The following PHC3 variants were observed in gnomAD, a reference collection of about 807,000 sequenced individuals.
PHC3 encodes the protein polyhomeotic homolog 3, also known as polyhomeotic-like protein 3.
Under a neutral mutation model 107.4 loss-of-function variants are expected in PHC3, and 13 were observed. The observed-to-expected ratio is 0.12, with a 90% confidence interval of 0.08 to 0.19. PHC3 has a LOEUF of 0.19. PHC3 is among the 10% of genes least tolerant of loss of function. The probability of loss-of-function intolerance (pLI) is 1.00; values close to 1 mark genes in which losing one functional copy is unlikely to be tolerated. For missense variants in PHC3, 992 were observed against 1,210.9 expected (o/e 0.82, Z 2.68); for synonymous variants, 456 against 427.4 (o/e 1.07, Z -0.83).
chr3:170,116,650 C>T (rs1373077870), intron 10 of PHC3, among the ~76,000 whole-genome samples: 1 of 151,912 alleles, frequency 6.6e-6, no homozygotes, highest in Non-Finnish European at 1.5e-5. Context: ...AAAAATGAGC[C>T]GAGCGCCATG....
Position 170,102,391 on chromosome 3 carries a change from C to G in PHC3, c.2833+88G>C, listed in dbSNP as rs1275321490. On this transcript the variant is annotated intron_variant, in intron 14 of 14. Coordinates refer to ENST00000495893, the MANE Select transcript of PHC3 (RefSeq NM_024947.4). Reference sequence around the variant, plus strand: ...ACATATACACAGTACTTCTCTAGCCCTTTTGTGCAAAAGGTGTGGATGTAT... The same window carrying G: ...ACATATACACAGTACTTCTCTAGCCGTTTTGTGCAAAAGGTGTGGATGTAT... The G allele has an allele frequency of 4.6e-6, 7 of 1,531,020 alleles. No individual in the cohort carries two copies. The East Asian group carries it at 1.7e-4, about 37-fold the overall frequency. 94.8% of individuals were successfully genotyped at this position (1,531,020 alleles called of 1,614,324 possible).
intron 11 of PHC3, among the ~76,000 whole-genome samples, chr3:170,108,131 A>G (rs568991763): frequency 4.6e-5 from 7 of 152,210 alleles, no homozygotes; most frequent in Non-Finnish European, 7.3e-5. Context: ...TTGCATCATC[A>G]TAATTCCTCT....
chr3:170,159,238 C>T (rs1433933113), intron 4 of PHC3, among the ~76,000 whole-genome samples: 9 of 123,676 alleles, frequency 7.3e-5, no homozygotes, highest in Admixed American at 5.3e-4. Flanking sequence ...GAAGACAGAG[C>T]GAGACTCGGT....
chr3:170,177,310 T>C (rs140151928), intron 2 of PHC3, among the ~76,000 whole-genome samples: 16 of 152,310 alleles, frequency 1.1e-4, no homozygotes, highest in African/African-American at 3.9e-4. Flanking sequence ...CCCCTTATAA[T>C]TTTCTTTACA....
chr3:170,126,528 A>ATATATTTTTTTTT (rs370421296), intron 8 of PHC3, among the ~76,000 whole-genome samples: 1 of 90,638 alleles, frequency 1.1e-5, no homozygotes, highest in African/African-American at 4.5e-5. Context: ...ATATATATAT[A>ATATATTTTTTTTT]TTTTTTTTTT....
chr3:170,118,984 G>A (rs1264182278), intron 9 of PHC3, among the ~76,000 whole-genome samples: 11 of 139,848 alleles, frequency 7.9e-5, no homozygotes, highest in East Asian at 2.1e-4. Context: ...AAAATAAACC[G>A]TACTGGAAAA....
intron 10 of PHC3, among the ~76,000 whole-genome samples, chr3:170,114,154 C>A (rs576877586): frequency 2.6e-5 from 4 of 152,264 alleles, no homozygotes; most frequent in South Asian, 4.1e-4. Context: ...GGATTACGGG[C>A]ATGTGCCACC....
intron 14 of PHC3, among the ~76,000 whole-genome samples, chr3:170,099,858 C>T (rs547134535): frequency 1.3e-5 from 2 of 152,168 alleles, no homozygotes; most frequent in African/African-American, 2.4e-5. Context: ...TATATGCCTA[C>T]AGAAAAATCA....
At position 170,129,288 on chromosome 3, in the gene PHC3, G is replaced by C; in HGVS notation, c.1184C>G (p.Thr395Arg). The change falls in exon 8 of 15, where the codon ACA (threonine) becomes AGA (arginine). Residue 395 changes from threonine to arginine, a missense_variant. By Grantham distance (71) the Thr-to-Arg change is moderately conservative. Transcript: ENST00000495893. ...TGACTGTGACTGATTAGGAGACACT[G>C]TTAAAGGAGAGGGATGACTCTGAAT... Reference protein sequence around the residue: ...SPIQSHPSPLTVSPNQSQSAQ... With the variant: ...SPIQSHPSPLRVSPNQSQSAQ... 1 of 1,614,008 alleles carries C rather than the reference G, an allele frequency of 6.2e-7. No homozygotes were observed. The highest frequency in any genetic ancestry group is 1.1e-5 in the South Asian group (1 of 91,082).
chr3:170,100,079 C>T (rs4140757), intron 14 of PHC3, among the ~76,000 whole-genome samples: 43,155 of 152,022 alleles, frequency 0.28, 6,306 homozygotes, highest in East Asian at 0.49. Context: ...CTACTGCATA[C>T]AAGCTCTAAC....
intron 2 of PHC3, among the ~76,000 whole-genome samples, chr3:170,178,140 A>ATT (rs1205857388): frequency 5.5e-4 from 75 of 137,564 alleles, no homozygotes; most frequent in Admixed American, 7.3e-4. Context: ...CTAAAGGAAA[A>ATT]TTTTTTTTTT....
intron 2 of PHC3, among the ~76,000 whole-genome samples, chr3:170,173,267 A>G (rs1729913902): frequency 6.6e-6 from 1 of 152,064 alleles, no homozygotes; most frequent in Non-Finnish European, 1.5e-5. Context: ...GCATTTCAAA[A>G]GATTTTCAAT....
chr3:170,135,458 T>G (rs1722923309), intron 7 of PHC3, among the ~76,000 whole-genome samples: 1 of 151,856 alleles, frequency 6.6e-6, no homozygotes, highest in African/African-American at 2.4e-5. Context: ...CCCAGATTTT[T>G]TTTTTTAATG....
intron 5 of PHC3, chr3:170,147,952 G>A (rs2108582658): frequency 6.6e-6 from 1 of 152,216 alleles, no homozygotes; most frequent in African/African-American, 2.4e-5. Context: ...TTAAATGATT[G>A]GAAACTTTGC....
chr3:170,158,864 T>C (rs1172613854), intron 4 of PHC3, among the ~76,000 whole-genome samples: 1 of 150,518 alleles, frequency 6.6e-6, no homozygotes, highest in Non-Finnish European at 1.5e-5. Context: ...GAGGTGGCAG[T>C]TGCAATAAGC....
chr3:170,114,546 T>C (rs1718527651), intron 10 of PHC3, among the ~76,000 whole-genome samples: 2 of 152,228 alleles, frequency 1.3e-5, no homozygotes, highest in Non-Finnish European at 2.9e-5. Context: ...TCCTGAATCC[T>C]AGTTTAGCAA....
chr3:170,163,700 T>C (rs1728274198), intron 4 of PHC3, among the ~76,000 whole-genome samples: 1 of 151,072 alleles, frequency 6.6e-6, no homozygotes, highest in Non-Finnish European at 1.5e-5. Context: ...CCATCTCTAC[T>C]AAAAATACAA....
intron 9 of PHC3, among the ~76,000 whole-genome samples, chr3:170,120,522 G>A (rs368607477): frequency 5.3e-5 from 8 of 151,686 alleles, no homozygotes; most frequent in East Asian, 1.9e-4. Context: ...GCAGTGAGCC[G>A]AGATCATGCC....
At chr3:170,121,738 T>C (rs1162368804) in intron 9 of PHC3, among the ~76,000 whole-genome samples, 2 of 152,210 alleles carry the variant, frequency 1.3e-5, no homozygotes, top group Admixed American at 6.5e-5. Context: ...ATATCATATA[T>C]GGCTTAGAAT....
Sources: gnomAD v4.1 joint callset for allele counts (sites outside exome capture counted in the v4.1 genomes callset) on GRCh38, gnomAD v4.1.1 for gene constraint, MANE v1.5 for transcripts, NCBI Gene and HGNC (gene_info 2026-07-23, HGNC 2026-07-21) for gene names.